CNGB1: variants seen among roughly 807,000 people sequenced by gnomAD.
CNGB1 encodes cyclic nucleotide gated channel subunit beta 1, also known as cyclic nucleotide-gated channel beta-1.
In CNGB1, 126 loss-of-function variants were observed where a neutral mutation model predicts 151.7. The ratio of observed to expected loss-of-function variants is 0.83; its 90% CI spans 0.72 to 0.96. The LOEUF (loss-of-function observed/expected upper bound fraction) is 0.96. CNGB1 is among the 40% of genes least tolerant of loss of function. The probability of loss-of-function intolerance (pLI) is 0.00; values close to 1 mark genes in which losing one functional copy is unlikely to be tolerated. For synonymous variants in CNGB1, 623 were observed against 635.1 expected, an observed-to-expected ratio of 0.98 and a Z score of 0.29; for missense variants, 1,698 against 1,627.0, an observed-to-expected ratio of 1.04 and a Z score of -0.75.
chr16:57,893,130 T>C (rs1960138612), intron 31 of CNGB1, among the ~76,000 whole-genome samples: 1 of 152,172 alleles, frequency 6.6e-6, no homozygotes, highest in South Asian at 2.1e-4. Flanking sequence ...TATGGTGTCA[T>C]TGTATAGAAT....
At chr16:57,964,800 A>G (rs1962349034) in intron 2 of CNGB1, among the ~76,000 whole-genome samples, 1 of 152,158 alleles carries the variant, frequency 6.6e-6, no homozygotes, top group Non-Finnish European at 1.5e-5. Flanking sequence ...CAAGCCTCCC[A>G]GGCCTACAAC....
intron 31 of CNGB1, among the ~76,000 whole-genome samples, chr16:57,891,046 G>C (rs1020774106): frequency 2.0e-5 from 3 of 152,244 alleles, no homozygotes; most frequent in African/African-American, 7.2e-5. Context: ...GCTCTTGGGA[G>C]GTGCCTTTGG....
chr16:57,968,786 G>A (rs773455992), intron 1 of CNGB1, among the ~76,000 whole-genome samples: 2 of 151,896 alleles, frequency 1.3e-5, no homozygotes, highest in Non-Finnish European at 2.9e-5. Context: ...CAGCACTTTG[G>A]GAGGCCAAGA....
chr16:57,964,244 CAG>C, intron 3 of CNGB1, 42 bp from the exon 4 acceptor site: 1 of 1,589,404 alleles, frequency 6.3e-7, no homozygotes, highest in Non-Finnish European at 8.6e-7. Context: ...GGGCCTCAGA[CAG>C]GCCCATTTCT....
chr16:57,901,760 G>A, intron 27 of CNGB1, 135 bp from the exon 28 acceptor site: 1 of 734,870 alleles, frequency 1.4e-6, no homozygotes, highest in South Asian at 1.5e-5. Flanking sequence ...TGGATTTGTA[G>A]TGCACCCTCT....
chr16:57,939,399 C>T (rs556116869), intron 16 of CNGB1, 31 bp downstream of exon 16: 61 of 1,613,512 alleles, frequency 3.8e-5, no homozygotes, highest in Non-Finnish European at 4.7e-5. Context: ...GACATTCTTG[C>T]GCAACCCATC....
chr16:57,931,594 G>A, intron 17 of CNGB1, 122 bp downstream of exon 17: 1 of 1,162,626 alleles, frequency 8.6e-7, no homozygotes, highest in East Asian at 2.5e-5. Context: ...TCCCACTTCT[G>A]ACACCAACTC....
chr16:57,910,840 C>G (rs1344671218), intron 25 of CNGB1, among the ~76,000 whole-genome samples: 1 of 152,112 alleles, frequency 6.6e-6, no homozygotes, highest in Non-Finnish European at 1.5e-5. Context: ...TAAAAGCAAG[C>G]TGCACCCCAA....
intron 24 of CNGB1, 109 bp downstream of exon 24, chr16:57,912,821 C>T (rs1424314960): frequency 4.1e-5 from 44 of 1,071,364 alleles, no homozygotes; most frequent in Non-Finnish European, 5.4e-5. Context: ...TTGTGTGTGT[C>T]GTGTGTGTGT....
At chr16:57,960,811 A>G (rs367713818) in intron 8 of CNGB1, 29 bp downstream of exon 8, 94 of 1,608,596 alleles carry the variant, frequency 5.8e-5, no homozygotes, top group African/African-American at 1.3e-4. Context: ...CATATACTCA[A>G]CTCCCTGCCT....
intron 11 of CNGB1, 55 bp from the exon 12 acceptor site, chr16:57,957,432 C>T (rs1360089404): frequency 9.3e-6 from 14 of 1,506,098 alleles, no homozygotes; most frequent in Non-Finnish European, 1.3e-5. Flanking sequence ...CACCAGCCTC[C>T]CCGTTTCAGC....
intron 11 of CNGB1, among the ~76,000 whole-genome samples, chr16:57,958,046 C>T (rs1231152418): frequency 2.0e-5 from 3 of 152,192 alleles, no homozygotes; most frequent in South Asian, 2.1e-4. Context: ...ATAGGGCTGC[C>T]GGCTCCTGTG....
chr16:57,919,717 A>G (rs566339691), intron 19 of CNGB1, among the ~76,000 whole-genome samples: 5 of 152,292 alleles, frequency 3.3e-5, no homozygotes, highest in African/African-American at 1.2e-4. Context: ...CAACTCTTTC[A>G]TCTCTAAAAA....
rs781360237 is a variant in CNGB1, at chr16:57,963,066, T to G, written c.291-2A>C. On this transcript the variant is annotated splice_acceptor_variant, in intron 4 of 32. Coordinates refer to ENST00000251102, the MANE Select transcript of CNGB1 (RefSeq NM_001297.5). LOFTEE classifies it high-confidence loss of function. ...CAGGTCAGTACCCTGCGGCTGGGAC[T>G]GCGATGGACAGAGACACCAGCCCGC... The G allele has an allele frequency of 9.9e-6, 16 of 1,609,854 alleles. No individual in the cohort carries two copies. Among genetic ancestry groups the G allele is most frequent in the Non-Finnish European group, 1.4e-5 (16 of 1,177,608 alleles).
At chr16:57,955,444 A>G in intron 12 of CNGB1, 1 of 1,219,694 alleles carries the variant, frequency 8.2e-7, no homozygotes. Flanking sequence ...GAGTGAGTGG[A>G]TGAGTGAATG....
chr16:57,917,383 G>C lies in CNGB1; in HGVS notation c.2051C>G (p.Thr684Ser). 2 of 1,614,088 alleles carry C rather than the reference G, an allele frequency of 1.2e-6. No individual in the cohort carries two copies. The highest frequency in any genetic ancestry group is 1.7e-6 in the Non-Finnish European group (2 of 1,180,030). ...CAGCCAGTGGTGGATGTTGTCCGGG[G>C]TCTGGTAGGGGAAGGCCCAGCGCAC... Reference protein sequence around the residue: ...IPVRWAFPYQTPDNIHHWLLM... With the variant: ...IPVRWAFPYQSPDNIHHWLLM... Residue 684 changes from threonine (T) to serine (S), a missense_variant, in exon 21 of 33, where the codon ACC becomes AGC. Physicochemically the swap from Thr to Ser is moderately conservative, Grantham distance 58. Coordinates refer to ENST00000251102, the MANE Select transcript of CNGB1 (RefSeq NM_001297.5).
chr16:57,906,199 ATCTCTCTC>A lies in CNGB1; in HGVS notation c.2493-1332_2493-1325del, dbSNP rs139113790. ...CCTTCTGGCTGCATAACTTGGACAA[ATCTCTCTC>A]TCTCTCTCTCCAAGCCTCAGTTTCC... On this transcript the variant is annotated intron_variant, in intron 25 of 32. Coordinates refer to ENST00000251102, the MANE Select transcript of CNGB1 (RefSeq NM_001297.5). 4.0e-5 allele frequency among the ~76,000 whole-genome samples: 6 copies of A among 151,096 alleles called. No individual in the cohort carries two copies. The East Asian group carries it at 9.7e-4, about 24-fold the overall frequency.
Position 57,964,124 on chromosome 16 carries a change from C to A in CNGB1, c.290+6G>T. 1 of 1,613,832 alleles carries A rather than the reference C, an allele frequency of 6.2e-7. No individual in the cohort carries two copies. The highest frequency in any genetic ancestry group is 2.2e-5 in the East Asian group (1 of 44,866). On this transcript the variant is annotated splice_donor_region_variant and intron_variant, in intron 4 of 32. Transcript: ENST00000251102. ...GCCCTGAAGAGAGGGGAGGGTGGTG[C>A]AGTACCTATTCATTTCAGAAATCTC...
intron 20 of CNGB1, among the ~76,000 whole-genome samples, chr16:57,917,959 T>A (rs1017599933): frequency 4.6e-5 from 7 of 152,144 alleles, no homozygotes; most frequent in Middle Eastern, 3.4e-3. Context: ...TTTCCCAAAA[T>A]GTATTTTCTT....
Sources: gnomAD v4.1 joint callset for allele counts (sites outside exome capture counted in the v4.1 genomes callset) on GRCh38, gnomAD v4.1.1 for gene constraint, MANE v1.5 for transcripts, NCBI Gene and HGNC (gene_info 2026-07-23, HGNC 2026-07-21) for gene names.